The following MTHFD1L variants were observed in gnomAD, a reference collection of about 807,000 sequenced individuals.
MTHFD1L encodes the protein monofunctional C1-tetrahydrofolate synthase, mitochondrial.
A neutral mutation model predicts 119.5 loss-of-function variants in MTHFD1L; 81 were observed. The ratio of observed to expected loss-of-function variants is 0.68; its 90% confidence interval spans 0.57 to 0.82. The LOEUF is 0.82. Ranked by LOEUF, MTHFD1L falls within the 40% of genes least tolerant of loss-of-function variation. The pLI, the probability that MTHFD1L is intolerant of heterozygous loss-of-function variation, is 0.00. For missense variants in MTHFD1L, 1,125 were observed against 1,253.4 expected, an observed-to-expected ratio of 0.90 and a Z score of 1.55; for synonymous variants, 430 against 475.2, an observed-to-expected ratio of 0.90 and a Z score of 1.24.
rs1463582815 is a variant in MTHFD1L at position 150,917,699 on chromosome 6, A to G, written c.893-878A>G. On this transcript the variant is annotated intron_variant, in intron 8 of 27. Coordinates refer to ENST00000367321, the MANE Select transcript of MTHFD1L (RefSeq NM_015440.5). ...CCAAGAACTTTATATACCTTATCAT[A>G]TTTCATTTTCACAAAATTTTAGGAG... Among the ~76,000 whole-genome samples the G allele has an allele frequency of 5.9e-5, 9 of 152,262 alleles. No homozygotes were observed. In the East Asian group the frequency reaches 1.5e-3, roughly 26 times the overall value.
chr6:151,091,726 C>G (rs1347024107), intron 26 of MTHFD1L, among the ~76,000 whole-genome samples: 1 of 151,996 alleles, frequency 6.6e-6, no homozygotes. Context: ...CAAAAGCAGT[C>G]GTAGGGGTGG....
chr6:151,070,562 A>G (rs983662978), intron 26 of MTHFD1L, among the ~76,000 whole-genome samples: 2 of 152,200 alleles, frequency 1.3e-5, no homozygotes, highest in African/African-American at 4.8e-5. Flanking sequence ...ACATTTCCTT[A>G]ATGGACTAGA....
intron 24 of MTHFD1L, among the ~76,000 whole-genome samples, chr6:151,027,690 A>G (rs974659489): frequency 6.6e-6 from 1 of 151,156 alleles, no homozygotes; most frequent in African/African-American, 2.4e-5. Context: ...GATTAACCAT[A>G]GGAAGTTCCT....
intron 20 of MTHFD1L, among the ~76,000 whole-genome samples, chr6:150,990,014 C>T (rs745762217): frequency 1.3e-5 from 2 of 152,210 alleles, no homozygotes; most frequent in Non-Finnish European, 2.9e-5. Context: ...CGCAGTGGCT[C>T]ACGCCTGTAA....
intron 11 of MTHFD1L, among the ~76,000 whole-genome samples, chr6:150,936,310 T>C (rs1792041307): frequency 6.6e-6 from 1 of 152,184 alleles, no homozygotes; most frequent in Non-Finnish European, 1.5e-5. Flanking sequence ...CAGGGATATC[T>C]GGAAGGAGAA....
intron 20 of MTHFD1L, among the ~76,000 whole-genome samples, chr6:150,995,505 A>G (rs1254170242): frequency 9.1e-6 from 1 of 109,714 alleles, no homozygotes; most frequent in East Asian, 3.1e-4. Context: ...CAAGAGCGAA[A>G]CTCCGTCTCA....
intron 11 of MTHFD1L, among the ~76,000 whole-genome samples, chr6:150,932,984 A>G (rs1791412722): frequency 1.3e-5 from 2 of 152,174 alleles, no homozygotes; most frequent in South Asian, 4.1e-4. Context: ...AGCTAAAGAT[A>G]CTGGGGGGAA....
At chr6:150,979,560 G>A (rs1777125330) in intron 20 of MTHFD1L, among the ~76,000 whole-genome samples, 1 of 151,998 alleles carries the variant, frequency 6.6e-6, no homozygotes, top group Non-Finnish European at 1.5e-5. Flanking sequence ...GAGTTCAGTG[G>A]CACGATCTTG....
intron 1 of MTHFD1L, among the ~76,000 whole-genome samples, chr6:150,871,016 T>C (rs1562285082): frequency 6.9e-6 from 1 of 145,518 alleles, no homozygotes; most frequent in Non-Finnish European, 1.5e-5. Context: ...TATAATATAA[T>C]TATATATACC....
At chr6:150,895,772 GAAT>G (rs1389260492) in intron 7 of MTHFD1L, among the ~76,000 whole-genome samples, 3 of 152,128 alleles carry the variant, frequency 2.0e-5, no homozygotes, top group Non-Finnish European at 4.4e-5. Context: ...CTTAAAAAAA[GAAT>G]AATGTCTGTC....
At chr6:150,927,382 C>A (rs1790189055) in intron 11 of MTHFD1L, among the ~76,000 whole-genome samples, 1 of 151,692 alleles carries the variant, frequency 6.6e-6, no homozygotes, top group Non-Finnish European at 1.5e-5. Context: ...TACTGAGCTC[C>A]ATGTGAGTGA....
chr6:151,013,858 C>G, intron 22 of MTHFD1L, 38 bp downstream of exon 22: 1 of 1,569,364 alleles, frequency 6.4e-7, no homozygotes, highest in Non-Finnish European at 8.7e-7. Flanking sequence ...TGAAGAATCT[C>G]TTAAATCCAG....
chr6:150,925,996 G>A, intron 10 of MTHFD1L, 126 bp from the exon 11 acceptor site: 1 of 735,874 alleles, frequency 1.4e-6, no homozygotes, highest in Non-Finnish European at 2.2e-6. Flanking sequence ...TTACTGCCTG[G>A]GAGAAAGGAC....
chr6:151,008,574 C>T (rs531571864), intron 20 of MTHFD1L, among the ~76,000 whole-genome samples: 8 of 152,064 alleles, frequency 5.3e-5, no homozygotes, highest in East Asian at 3.9e-4. Context: ...GCAGCAAGGT[C>T]CTAGAGCTCT....
intron 26 of MTHFD1L, among the ~76,000 whole-genome samples, chr6:151,044,805 G>A (rs1347169374): frequency 2.0e-5 from 3 of 152,224 alleles, no homozygotes; most frequent in African/African-American, 7.2e-5. Flanking sequence ...CTGGAAAGCA[G>A]GAAACTGCTG....
chr6:151,025,266 G>A (rs186673124), intron 24 of MTHFD1L, among the ~76,000 whole-genome samples: 26 of 152,328 alleles, frequency 1.7e-4, no homozygotes, highest in African/African-American at 4.8e-4. Flanking sequence ...GCTCGTGGAC[G>A]TCGGCACGTA....
Position 150,960,374 on chromosome 6 carries a change from G to T in MTHFD1L, c.1903G>T (p.Ala635Ser), listed in dbSNP as rs913216296. The T allele has an allele frequency of 6.2e-6, 10 of 1,613,604 alleles. No homozygotes were observed. The highest frequency in any genetic ancestry group is 8.5e-6 in the Non-Finnish European group (10 of 1,179,814). The change falls in exon 18 of 28, where the codon GCC (alanine) becomes TCC (serine). Residue 635 changes from alanine (A) to serine (S), a missense_variant. Physicochemically the swap from Ala to Ser is moderately conservative, Grantham distance 99. Transcript: ENST00000367321. ...GGCACGGCTGGGAAGGATGGTGGTG[G>T]CCAGTGACAAAAGCGGGCAGCCTGT... ...MKARLGRMVV[A>S]SDKSGQPVTA...
intron 1 of MTHFD1L, among the ~76,000 whole-genome samples, chr6:150,871,891 A>ATTTTTTTTTTTTTTTTTTTTTTTTTT (rs1562287413): frequency 1.4e-5 from 2 of 147,054 alleles, no homozygotes; most frequent in African/African-American, 5.1e-5. Context: ...ATTTTATTTT[A>ATTTTTTTTTTTTTTTTTTTTTTTTTT]TTTTTTGAGA....
chr6:150,901,032 A>G (rs1209762035), intron 7 of MTHFD1L, among the ~76,000 whole-genome samples: 2 of 152,096 alleles, frequency 1.3e-5, no homozygotes, highest in Admixed American at 6.6e-5. Flanking sequence ...AAAAGAAAAG[A>G]AAAGAAAAAG....
Sources: gnomAD v4.1 joint callset for allele counts (sites outside exome capture counted in the v4.1 genomes callset) on GRCh38, gnomAD v4.1.1 for gene constraint, MANE v1.5 for transcripts, NCBI Gene and HGNC (gene_info 2026-07-23, HGNC 2026-07-21) for gene names.